Variants in KHDRBS2 observed in about 807,000 individuals in gnomAD.
The protein encoded by KHDRBS2 is KH RNA binding domain containing, signal transduction associated 2.
A neutral mutation model predicts 44.3 loss-of-function variants in KHDRBS2; 26 were observed. The ratio of observed to expected loss-of-function variants is 0.59; its 90% CI spans 0.43 to 0.81. KHDRBS2 has a LOEUF of 0.81. KHDRBS2 is among the 40% of genes least tolerant of loss of function. The probability of loss-of-function intolerance (pLI) is 0.00; values close to 1 mark genes in which losing one functional copy is unlikely to be tolerated. For synonymous variants in KHDRBS2, 194 were observed against 151.1 expected, an observed-to-expected ratio of 1.28 and a Z score of -2.08; for missense variants, 476 against 433.1, an observed-to-expected ratio of 1.10 and a Z score of -0.88.
chr6:61,978,283 T>C, intron 3 of KHDRBS2, 71 bp from the exon 4 acceptor site: 1 of 1,208,104 alleles, frequency 8.3e-7, no homozygotes, highest in South Asian at 1.5e-5. Flanking sequence ...ACTGAGAATA[T>C]GACAAAGGTG....
At chr6:61,861,667 T>A (rs1431395578) in intron 6 of KHDRBS2, among the ~76,000 whole-genome samples, 4 of 152,036 alleles carry the variant, frequency 2.6e-5, no homozygotes, top group Non-Finnish European at 5.9e-5. Context: ...TTTGTTTTTT[T>A]TTTTCTTAGG....
At chr6:62,169,139 A>G (rs1370154524) in intron 2 of KHDRBS2, among the ~76,000 whole-genome samples, 11 of 113,040 alleles carry the variant, frequency 9.7e-5, no homozygotes, top group South Asian at 2.7e-4. Context: ...ATATACACAC[A>G]TATATGTGTG....
At chr6:61,833,395 T>A (rs1333353266) in intron 6 of KHDRBS2, among the ~76,000 whole-genome samples, 1 of 152,192 alleles carries the variant, frequency 6.6e-6, no homozygotes, top group East Asian at 1.9e-4. Context: ...AATGGAATAT[T>A]TTTGAAATAG....
the KHDRBS2 span, among the ~76,000 whole-genome samples, chr6:61,657,648 C>T: frequency 6.6e-6 from 1 of 151,914 alleles, no homozygotes; most frequent in Non-Finnish European, 1.5e-5. Flanking sequence ...AAGCCTTTCT[C>T]CTGATCATTG....
intron 6 of KHDRBS2, among the ~76,000 whole-genome samples, chr6:61,841,983 AC>A (rs1471499871): frequency 6.6e-6 from 1 of 152,192 alleles, no homozygotes; most frequent in Non-Finnish European, 1.5e-5. Context: ...ATGCTAAACC[AC>A]TTTTGTTCCT....
At chr6:62,259,108 G>C (rs1837912631) in intron 1 of KHDRBS2, among the ~76,000 whole-genome samples, 1 of 152,034 alleles carries the variant, frequency 6.6e-6, no homozygotes, top group Admixed American at 6.6e-5. Flanking sequence ...GTCTATTAGA[G>C]GCAACAGGCC....
intron 5 of KHDRBS2, 23 bp from the exon 6 acceptor site, chr6:61,894,856 A>G (rs752805566): frequency 1.9e-6 from 3 of 1,573,810 alleles, no homozygotes; most frequent in Non-Finnish European, 2.6e-6. Flanking sequence ...AGTCATGTAT[A>G]GATGAGAAAC....
Position 61,893,911 on chromosome 6 carries a change from AAC to A in KHDRBS2, c.810+722_810+723del, listed in dbSNP as rs1491406340. ...CTTAAAGTATAATAATAAAAAAAAAAACATTTACAGAAGACTTCCTATTGTTA... is the reference window on the plus strand; with the variant it reads ...CTTAAAGTATAATAATAAAAAAAAAAATTTACAGAAGACTTCCTATTGTTA... On this transcript the variant is annotated intron_variant, in intron 6 of 8. Transcript: ENST00000281156. Among the ~76,000 whole-genome samples, 676 of 152,256 alleles carry A rather than the reference AAC, an allele frequency of 4.4e-3. 8 individuals are homozygous for A. The highest frequency in any genetic ancestry group is 0.015 in the African/African-American group (635 of 41,550).
At chr6:62,050,544 TA>T (rs1166771324) in intron 2 of KHDRBS2, among the ~76,000 whole-genome samples, 1 of 151,812 alleles carries the variant, frequency 6.6e-6, no homozygotes, top group Non-Finnish European at 1.5e-5. Flanking sequence ...GAAAAATGAC[TA>T]ATATCTATAA....
intron 1 of KHDRBS2, among the ~76,000 whole-genome samples, chr6:62,284,851 A>T (rs1456905188): frequency 5.3e-5 from 8 of 152,174 alleles, no homozygotes; most frequent in Non-Finnish European, 1.2e-4. Flanking sequence ...AAAATCTTTT[A>T]ATACTGAGGA....
intron 2 of KHDRBS2, among the ~76,000 whole-genome samples, chr6:62,123,067 C>T (rs1808073103): frequency 6.6e-6 from 1 of 152,080 alleles, no homozygotes; most frequent in Non-Finnish European, 1.5e-5. Flanking sequence ...CAACCCCCAA[C>T]TGGCCCCAGT....
At chr6:62,104,763 T>C (rs2127377002) in intron 2 of KHDRBS2, among the ~76,000 whole-genome samples, 1 of 152,138 alleles carries the variant, frequency 6.6e-6, no homozygotes, top group South Asian at 2.1e-4. Flanking sequence ...TTAAATATTA[T>C]CACTTTAAAA....
At chr6:62,156,094 A>G (rs1816319694) in intron 2 of KHDRBS2, among the ~76,000 whole-genome samples, 1 of 152,176 alleles carries the variant, frequency 6.6e-6, no homozygotes, top group Admixed American at 6.5e-5. Context: ...GTCAGAAAAA[A>G]ATTCTTTATA....
At chr6:61,819,092 C>T (rs1196593893) in intron 6 of KHDRBS2, among the ~76,000 whole-genome samples, 1 of 151,356 alleles carries the variant, frequency 6.6e-6, no homozygotes, top group Non-Finnish European at 1.5e-5. Flanking sequence ...TCTAAAAATG[C>T]TTATTTTAGC....
intron 2 of KHDRBS2, among the ~76,000 whole-genome samples, chr6:62,058,784 T>A (rs569306863): frequency 6.6e-6 from 1 of 151,786 alleles, no homozygotes; most frequent in South Asian, 2.1e-4. Context: ...AGAAAACCAA[T>A]CCCAGTGTAG....
intron 3 of KHDRBS2, among the ~76,000 whole-genome samples, chr6:62,030,746 G>T (rs957398806): frequency 2.0e-5 from 3 of 152,024 alleles, no homozygotes; most frequent in Non-Finnish European, 2.9e-5. Flanking sequence ...TAATAAAAAA[G>T]ATTATATAAA....
the KHDRBS2 span, among the ~76,000 whole-genome samples, chr6:61,550,116 T>C: frequency 2.0e-5 from 3 of 152,088 alleles, no homozygotes; most frequent in Admixed American, 2.0e-4. Context: ...TTGCATGTCA[T>C]TGGGGTTTGG....
chr6:61,755,799 CA>C (rs34625585), intron 6 of KHDRBS2, among the ~76,000 whole-genome samples: 1,373 of 106,206 alleles, frequency 0.013, 13 homozygotes, highest in African/African-American at 0.043. Flanking sequence ...GACTCTGTCT[CA>C]AAAAAAAAAA....
At chr6:61,844,308 TATA>T (rs1794051978) in intron 6 of KHDRBS2, among the ~76,000 whole-genome samples, 1 of 152,160 alleles carries the variant, frequency 6.6e-6, no homozygotes, top group East Asian at 1.9e-4. Context: ...TACATTCCAT[TATA>T]ATATTTCTCT....
Sources: allele counts gnomAD v4.1 joint callset (sites outside exome capture counted in the v4.1 genomes callset), GRCh38; gene constraint gnomAD v4.1.1; transcripts MANE v1.5; gene names NCBI Gene and HGNC (gene_info 2026-07-23, HGNC 2026-07-21).